C9orf72: variants seen among roughly 807,000 people sequenced by gnomAD.
C9orf72 encodes C9orf72-SMCR8 complex subunit.
In C9orf72, 44 loss-of-function variants were observed where a neutral mutation model predicts 51.6. That is an observed-to-expected ratio of 0.85 (90% CI 0.67 to 1.10). The LOEUF (loss-of-function observed/expected upper bound fraction) is 1.10, where lower values mean the gene tolerates loss of function less well. Ranked by LOEUF, C9orf72 falls within the 50% of genes least tolerant of loss-of-function variation. C9orf72 has a pLI of 0.00. For synonymous variants in C9orf72, 213 were observed against 194.2 expected, an observed-to-expected ratio of 1.10 and a Z score of -0.81; for missense variants, 607 against 570.6, an observed-to-expected ratio of 1.06 and a Z score of -0.65.
intron 9 of C9orf72, among the ~76,000 whole-genome samples, chr9:27,549,201 T>A (rs896517775): frequency 2.6e-5 from 4 of 152,236 alleles, no homozygotes; most frequent in Non-Finnish European, 5.9e-5. Context: ...AAATTTTGCA[T>A]TCTACTTCAG....
intron 8 of C9orf72, among the ~76,000 whole-genome samples, chr9:27,554,383 A>G (rs1374774496): frequency 1.3e-5 from 2 of 152,248 alleles, no homozygotes; most frequent in Admixed American, 1.3e-4. Context: ...GAACTAATCC[A>G]GGAACAGAAA....
intron 1 of C9orf72, among the ~76,000 whole-genome samples, chr9:27,568,332 A>G (rs1419080055): frequency 1.3e-5 from 2 of 152,216 alleles, no homozygotes; most frequent in Non-Finnish European, 2.9e-5. Flanking sequence ...TAGAATTTAA[A>G]AGCTTTAGTT....
At chr9:27,566,387 A>G (rs1819466875) in intron 2 of C9orf72, among the ~76,000 whole-genome samples, 1 of 152,070 alleles carries the variant, frequency 6.6e-6, no homozygotes, top group South Asian at 2.1e-4. Context: ...AAAAGGTATT[A>G]GAGTCAAAGG....
chr9:27,570,132 T>G (rs1036258449), intron 1 of C9orf72, among the ~76,000 whole-genome samples: 2 of 152,220 alleles, frequency 1.3e-5, no homozygotes, highest in Admixed American at 6.5e-5. Flanking sequence ...TTGTATCAAT[T>G]TAATAGTCTT....
At chr9:27,550,587 G>T in intron 9 of C9orf72, 63 bp downstream of exon 9, 2 of 991,314 alleles carry the variant, frequency 2.0e-6, no homozygotes, top group Non-Finnish European at 1.6e-6. Context: ...GGCATTGTAG[G>T]ATATATTAAA....
At position 27,548,193 on chromosome 9, in the gene C9orf72, A is replaced by G; in HGVS notation, c.*43T>C. The G allele has an allele frequency of 1.4e-6, 2 of 1,475,688 alleles. No homozygotes were observed. The highest frequency in any genetic ancestry group is 1.9e-6 in the Non-Finnish European group (2 of 1,075,680). 91.4% of individuals were successfully genotyped at this position (1,475,688 alleles called of 1,614,324 possible). On this transcript the variant is annotated 3_prime_UTR_variant, in exon 11 of 11. Coordinates refer to ENST00000380003, the MANE Select transcript of C9orf72 (RefSeq NM_018325.5). ...CCCCACACCACTGAGCTACTTTACC[A>G]GCGATCATGATTGTGATGGAATAGG...
At chr9:27,567,799 C>T (rs1276881232) in intron 1 of C9orf72, among the ~76,000 whole-genome samples, 1 of 151,972 alleles carries the variant, frequency 6.6e-6, no homozygotes, top group Non-Finnish European at 1.5e-5. Context: ...GGTAGACAGC[C>T]ATGTGAAGAC....
At chr9:27,556,519 A>AT in intron 8 of C9orf72, 42 bp downstream of exon 8, 1 of 1,302,878 alleles carries the variant, frequency 7.7e-7, no homozygotes, top group East Asian at 2.3e-5. Context: ...ACACAATTTC[A>AT]TATTGCTTGA....
At chr9:27,570,734 G>A (rs999198625) in intron 1 of C9orf72, among the ~76,000 whole-genome samples, 7 of 152,134 alleles carry the variant, frequency 4.6e-5, no homozygotes, top group Non-Finnish European at 7.4e-5. Context: ...GGGTGTGGTG[G>A]TGGACACCTG....
intron 2 of C9orf72, among the ~76,000 whole-genome samples, chr9:27,566,265 G>T (rs1031955809): frequency 6.6e-6 from 1 of 152,168 alleles, no homozygotes. Flanking sequence ...TGGCAAAGAG[G>T]TTAAAGAGAC....
rs568620629 is a variant in C9orf72, at chr9:27,566,465, G to A, written c.444+212C>T. On this transcript the variant is annotated intron_variant, in intron 2 of 10. Coordinates refer to ENST00000380003, the MANE Select transcript of C9orf72 (RefSeq NM_018325.5). ...TAAGCTTTAGCTTTTCATCTATAATGTGGAGCTACCATTTCGTACCTTCCA... is the reference window on the plus strand; with the variant it reads ...TAAGCTTTAGCTTTTCATCTATAATATGGAGCTACCATTTCGTACCTTCCA... Among the ~76,000 whole-genome samples, 5 of 152,142 alleles carry A rather than the reference G, an allele frequency of 3.3e-5. No individual in the cohort carries two copies. In the South Asian group the frequency reaches 8.3e-4, roughly 25 times the overall value.
At chr9:27,551,312 G>C (rs1313437106) in intron 8 of C9orf72, among the ~76,000 whole-genome samples, 4 of 152,160 alleles carry the variant, frequency 2.6e-5, no homozygotes, top group Non-Finnish European at 5.9e-5. Context: ...GTAATATAAT[G>C]GCCACTTAAA....
rs146382458 is a variant in C9orf72, at chr9:27,554,242, A to G, written c.1091+2319T>C. On this transcript the variant is annotated intron_variant, in intron 8 of 10. Transcript: ENST00000380003. ...TATGTTCATCACAGCACTATTCATG[A>G]TAACAAAGACAGGGAATCAACCTAA... Among the ~76,000 whole-genome samples, 583 of 152,336 alleles carry G rather than the reference A, an allele frequency of 3.8e-3. 2 individuals carry two copies. The highest frequency in any genetic ancestry group is 0.013 in the African/African-American group (552 of 41,572).
chr9:27,549,766 C>G (rs576250125), intron 9 of C9orf72, among the ~76,000 whole-genome samples: 6 of 131,164 alleles, frequency 4.6e-5, no homozygotes, highest in South Asian at 2.6e-4. Flanking sequence ...AATAAACAAC[C>G]TCCCTTTCTC....
chr9:27,572,514 T>G (rs1819609446), intron 1 of C9orf72, among the ~76,000 whole-genome samples: 1 of 152,016 alleles, frequency 6.6e-6, no homozygotes. Flanking sequence ...CCAGACAGAT[T>G]ACGTACCCTT....
intron 1 of C9orf72, among the ~76,000 whole-genome samples, chr9:27,568,146 A>T (rs1211549634): frequency 1.3e-5 from 2 of 152,010 alleles, no homozygotes; most frequent in Non-Finnish European, 2.9e-5. Context: ...ATAACAAAAA[A>T]TGGGCAAACA....
intron 8 of C9orf72, among the ~76,000 whole-genome samples, chr9:27,555,558 A>ATT (rs35184194): frequency 2.1e-4 from 28 of 135,778 alleles, no homozygotes; most frequent in African/African-American, 7.6e-4. Context: ...TATTGCAAGC[A>ATT]TTTTTTTTTT....
chr9:27,551,101 A>G (rs979285937), intron 8 of C9orf72, among the ~76,000 whole-genome samples: 12 of 152,188 alleles, frequency 7.9e-5, no homozygotes, highest in African/African-American at 2.7e-4. Context: ...AACAAAAAAC[A>G]AACCAGCAAC....
At chr9:27,548,915 A>T (rs1035025776) in intron 9 of C9orf72, among the ~76,000 whole-genome samples, 4 of 150,528 alleles carry the variant, frequency 2.7e-5, no homozygotes, top group Non-Finnish European at 3.0e-5. Flanking sequence ...CGCGATCTTG[A>T]CTCACTGCAA....
Sources: gnomAD v4.1 joint callset for allele counts (sites outside exome capture counted in the v4.1 genomes callset) on GRCh38, gnomAD v4.1.1 for gene constraint, MANE v1.5 for transcripts, NCBI Gene and HGNC (gene_info 2026-07-23, HGNC 2026-07-21) for gene names.